FGGY: variants seen among roughly 807,000 people sequenced by gnomAD.
The protein encoded by FGGY is FGGY carbohydrate kinase domain-containing protein.
Under a neutral mutation model 71.3 loss-of-function variants are expected in FGGY, and 72 were observed. The ratio of observed to expected loss-of-function variants is 1.01; its 90% CI spans 0.84 to 1.23. The LOEUF (loss-of-function observed/expected upper bound fraction) is 1.23, where lower values mean the gene tolerates loss of function less well. Among genes scored for constraint, FGGY ranks in the 50% most tolerant of loss-of-function variants. FGGY has a pLI of 0.00. For synonymous variants in FGGY, 251 were observed against 250.3 expected, an observed-to-expected ratio of 1.00 and a Z score of -0.02; for missense variants, 668 against 682.3, an observed-to-expected ratio of 0.98 and a Z score of 0.23.
intron 5 of FGGY, among the ~76,000 whole-genome samples, chr1:59,399,871 A>G (rs2061737462): frequency 6.6e-6 from 1 of 152,290 alleles, no homozygotes; most frequent in Middle Eastern, 3.4e-3. Context: ...TGTTCAGTCT[A>G]GAAGTGTATA....
chr1:59,562,709 G>C (rs2095811481), intron 8 of FGGY, among the ~76,000 whole-genome samples: 2 of 152,124 alleles, frequency 1.3e-5, no homozygotes, highest in Admixed American at 1.3e-4. Flanking sequence ...AATATATAGT[G>C]ACAAAAAGCA....
chr1:59,369,348 C>T (rs964365014), intron 4 of FGGY, among the ~76,000 whole-genome samples: 3 of 152,122 alleles, frequency 2.0e-5, no homozygotes, highest in Admixed American at 1.3e-4. Context: ...AAGGCGGCAG[C>T]GAGGCTGGGG....
chr1:59,408,015 G>A (rs1039098), intron 5 of FGGY, among the ~76,000 whole-genome samples: 25,668 of 152,136 alleles, frequency 0.17, 2,731 homozygotes, highest in East Asian at 0.36. Context: ...CCAGGAATAC[G>A]GAATATTTCT....
intron 14 of FGGY, among the ~76,000 whole-genome samples, chr1:59,733,461 G>GTTTTGT (rs1553437712): frequency 2.1e-5 from 3 of 144,980 alleles, no homozygotes; most frequent in Non-Finnish European, 4.5e-5. Flanking sequence ...GTTTTGTTTT[G>GTTTTGT]TTTTTTTGTT....
At position 59,404,796 on chromosome 1, in the gene FGGY, G is replaced by T. The variant is rs140789114; in HGVS notation, c.554+25959G>T. Among the ~76,000 whole-genome samples, 6 of 152,198 alleles carry T rather than the reference G, an allele frequency of 3.9e-5. No individual in the cohort carries two copies. In the East Asian group the frequency reaches 9.7e-4, roughly 24 times the overall value. On this transcript the variant is annotated intron_variant, in intron 5 of 15. Transcript: ENST00000303721. ...GAGGAGGGTGAGAACCTAGCATCTG[G>T]GTGTCTGCTAGATAGATGCTGCTGC...
chr1:59,484,407 C>T (rs1336152500), intron 6 of FGGY, among the ~76,000 whole-genome samples: 1 of 152,138 alleles, frequency 6.6e-6, no homozygotes, highest in Non-Finnish European at 1.5e-5. Context: ...ATCTTCTTTC[C>T]ATGGGCCTTA....
chr1:59,598,751 C>T (rs149721740), intron 8 of FGGY, among the ~76,000 whole-genome samples: 3 of 152,152 alleles, frequency 2.0e-5, no homozygotes, highest in Non-Finnish European at 4.4e-5. Flanking sequence ...CTTTATTAAC[C>T]ATGTCTTGCT....
chr1:59,396,820 G>T (rs2061381526), intron 5 of FGGY, among the ~76,000 whole-genome samples: 1 of 152,174 alleles, frequency 6.6e-6, no homozygotes, highest in Non-Finnish European at 1.5e-5. Context: ...CTCAATTCAT[G>T]CTTGTTGTAT....
At chr1:59,376,346 A>G (rs1399121227) in intron 4 of FGGY, among the ~76,000 whole-genome samples, 3 of 152,230 alleles carry the variant, frequency 2.0e-5, no homozygotes, top group Admixed American at 2.0e-4. Flanking sequence ...ACAGAGAATC[A>G]GCTTGATACT....
intron 9 of FGGY, among the ~76,000 whole-genome samples, chr1:59,614,877 C>T (rs932397655): frequency 6.6e-6 from 1 of 152,200 alleles, no homozygotes; most frequent in Non-Finnish European, 1.5e-5. Context: ...AGAGCCAAAT[C>T]ATGAGTGAAC....
intron 11 of FGGY, among the ~76,000 whole-genome samples, chr1:59,659,682 G>T (rs183043496): frequency 6.6e-6 from 1 of 152,048 alleles, no homozygotes; most frequent in Non-Finnish European, 1.5e-5. Context: ...ATAAACATCC[G>T]ATTCTGATTG....
At chr1:59,695,299 C>G (rs535761600) in intron 14 of FGGY, among the ~76,000 whole-genome samples, 1 of 152,158 alleles carries the variant, frequency 6.6e-6, no homozygotes, top group African/African-American at 2.4e-5. Context: ...GCCATGACAC[C>G]GGGAGCAGCG....
At chr1:59,475,184 C>A (rs2093200763) in intron 6 of FGGY, among the ~76,000 whole-genome samples, 2 of 152,106 alleles carry the variant, frequency 1.3e-5, no homozygotes, top group African/African-American at 4.8e-5. Context: ...CAACCTTTTT[C>A]CAACCAAGAT....
At chr1:59,385,822 G>A (rs1396281426) in intron 5 of FGGY, among the ~76,000 whole-genome samples, 2 of 152,026 alleles carry the variant, frequency 1.3e-5, no homozygotes, top group Admixed American at 6.6e-5. Flanking sequence ...GCTTCCTAGT[G>A]GCCAAAGCAA....
At chr1:59,723,119 A>C (rs1039731298) in intron 14 of FGGY, among the ~76,000 whole-genome samples, 7 of 152,050 alleles carry the variant, frequency 4.6e-5, no homozygotes, top group Non-Finnish European at 1.0e-4. Flanking sequence ...TTGTTACTGG[A>C]GACTGGTGGT....
At chr1:59,412,020 A>G (rs190601709) in intron 5 of FGGY, among the ~76,000 whole-genome samples, 75 of 152,276 alleles carry the variant, frequency 4.9e-4, no homozygotes, top group African/African-American at 1.7e-3. Flanking sequence ...AAAGCAGTAG[A>G]TATTTTAATT....
In FGGY at chr1:59,398,248, T is replaced by A. The variant is rs539268501; in HGVS notation, c.554+19411T>A. On this transcript the variant is annotated intron_variant, in intron 5 of 15. Coordinates refer to ENST00000303721, the MANE Select transcript of FGGY (RefSeq NM_018291.5). ...ATCATGATTTTACTGTAAAAAAAAA[T>A]TTTTTTTTTTGAGACATGGTTTCAC... Among the ~76,000 whole-genome samples the A allele has an allele frequency of 4.1e-3, 589 of 144,728 alleles. 4 individuals are homozygous for A. Among genetic ancestry groups the A allele is most frequent in the African/African-American group, 0.013 (547 of 40,704 alleles). The allele number at this position is 144,728 out of a possible 152,430, so 94.9% of individuals were successfully genotyped here.
At chr1:59,461,899 A>G (rs1572439194) in intron 6 of FGGY, among the ~76,000 whole-genome samples, 1 of 151,990 alleles carries the variant, frequency 6.6e-6, no homozygotes, top group South Asian at 2.1e-4. Flanking sequence ...ATATGTATAC[A>G]TGTGCCATGC....
At chr1:59,727,426 T>G (rs2097961406) in intron 14 of FGGY, among the ~76,000 whole-genome samples, 1 of 152,162 alleles carries the variant, frequency 6.6e-6, no homozygotes, top group African/African-American at 2.4e-5. Flanking sequence ...GATTGTTACA[T>G]TGAATGGTAG....
Sources: gnomAD v4.1 joint callset for allele counts (sites outside exome capture counted in the v4.1 genomes callset) on GRCh38, gnomAD v4.1.1 for gene constraint, MANE v1.5 for transcripts, NCBI Gene and HGNC (gene_info 2026-07-23, HGNC 2026-07-21) for gene names.